The following MGRN1 variants were observed in gnomAD, a reference collection of about 807,000 sequenced individuals.
The protein encoded by MGRN1 is E3 ubiquitin-protein ligase MGRN1.
Under a neutral mutation model 69.2 loss-of-function variants are expected in MGRN1, and 29 were observed. The ratio of observed to expected loss-of-function variants is 0.42; its 90% CI spans 0.31 to 0.57. MGRN1 has a LOEUF of 0.57. Ranked by LOEUF, MGRN1 falls within the 20% of genes least tolerant of loss-of-function variation. The probability of loss-of-function intolerance (pLI) is 0.15; values close to 1 mark genes in which losing one functional copy is unlikely to be tolerated. For synonymous variants in MGRN1, 470 were observed against 344.2 expected, an observed-to-expected ratio of 1.37 and a Z score of -4.04; for missense variants, 998 against 796.2, an observed-to-expected ratio of 1.25 and a Z score of -3.05.
In MGRN1 at chr16:4,680,164, G is replaced by A. The variant is rs2079147260; in HGVS notation, c.1131+67G>A. 3 of 1,494,938 alleles carry A rather than the reference G, an allele frequency of 2.0e-6. No homozygotes were observed. Among genetic ancestry groups the A allele is most frequent in the East Asian group, 2.3e-5 (1 of 43,132 alleles). 92.6% of individuals were successfully genotyped at this position (1,494,938 alleles called of 1,614,324 possible). On this transcript the variant is annotated intron_variant, in intron 12 of 16. Transcript: ENST00000262370. The stretch of plus-strand genomic sequence containing the variant: ...CTCATTTTTAAACCCACGACAAGTA[G>A]GGGAGATCGTTTCCGCCCCAGGCTA...
intron 1 of MGRN1, among the ~76,000 whole-genome samples, 196 bp downstream of exon 1, chr16:4,625,244 G>C (rs1246423127): frequency 1.3e-5 from 2 of 152,176 alleles, no homozygotes; most frequent in African/African-American, 4.8e-5. Context: ...TGCCCGAGCC[G>C]TACCTGGCGC....
At chr16:4,685,216 CG>C (rs141132416) in intron 16 of MGRN1, among the ~76,000 whole-genome samples, 2,495 of 152,294 alleles carry the variant, frequency 0.016, 38 homozygotes, top group Middle Eastern at 0.071. Flanking sequence ...GGGGGGTGAT[CG>C]GGGAAGAGGC....
chr16:4,650,380 C>T lies in MGRN1; in HGVS notation c.104C>T (p.Ser35Leu), dbSNP rs751035093. Residue 35 changes from serine to leucine, a missense_variant, in exon 2 of 17, where the codon TCG becomes TTG. Physicochemically the swap from Ser to Leu is moderately radical, Grantham distance 145. Coordinates refer to ENST00000262370, the MANE Select transcript of MGRN1 (RefSeq NM_015246.4). ...YPPKSGNYFASHFFMGGEKFD... is the reference protein window; with the variant it reads ...YPPKSGNYFALHFFMGGEKFD... ...TTTTAAACAGGAAACTACTTTGCTTCGCACTTTTTCATGGGAGGAGAGAAA... is the reference window on the plus strand; with the variant it reads ...TTTTAAACAGGAAACTACTTTGCTTTGCACTTTTTCATGGGAGGAGAGAAA... 16 of 1,611,588 alleles carry T rather than the reference C, an allele frequency of 9.9e-6. No individual in the cohort carries two copies. Among genetic ancestry groups the T allele is most frequent in the African/African-American group, 4.0e-5 (3 of 74,728 alleles).
intron 7 of MGRN1, among the ~76,000 whole-genome samples, chr16:4,667,102 C>T (rs888028480): frequency 2.6e-5 from 4 of 152,188 alleles, no homozygotes; most frequent in Non-Finnish European, 4.4e-5. Context: ...GGAAAGGATC[C>T]CGTGTGACAA....
At chr16:4,655,027 A>T (rs1026295951) in intron 4 of MGRN1, among the ~76,000 whole-genome samples, 4 of 152,326 alleles carry the variant, frequency 2.6e-5, no homozygotes, top group African/African-American at 9.6e-5. Flanking sequence ...TCTTGGGCGT[A>T]GGAGCATTTG....
chr16:4,644,435 C>G (rs770580012), intron 1 of MGRN1, among the ~76,000 whole-genome samples: 2 of 151,798 alleles, frequency 1.3e-5, no homozygotes, highest in Non-Finnish European at 2.9e-5. Flanking sequence ...CTCAGCCTCC[C>G]AAGTAGCTGG....
chr16:4,644,611 C>G (rs570706280), intron 1 of MGRN1, among the ~76,000 whole-genome samples: 126 of 152,212 alleles, frequency 8.3e-4, no homozygotes, highest in African/African-American at 2.8e-3. Context: ...CACCTGGGTT[C>G]TGTTTTTTAA....
At chr16:4,637,297 T>G (rs1596261706) in intron 1 of MGRN1, among the ~76,000 whole-genome samples, 1 of 148,122 alleles carries the variant, frequency 6.8e-6, no homozygotes, top group East Asian at 2.0e-4. Flanking sequence ...GGGCATGGTG[T>G]TGGGTGCCTG....
intron 4 of MGRN1, among the ~76,000 whole-genome samples, chr16:4,655,381 C>G (rs113864309): frequency 0.029 from 4,492 of 152,296 alleles, 222 homozygotes; most frequent in African/African-American, 0.1. Context: ...TAGACCCCTG[C>G]GGGCTAGTGA....
intron 5 of MGRN1, among the ~76,000 whole-genome samples, chr16:4,662,760 C>T (rs2078711330): frequency 6.6e-6 from 1 of 152,216 alleles, no homozygotes; most frequent in Non-Finnish European, 1.5e-5. Context: ...GCTTCCGCTG[C>T]CCACTTCACG....
chr16:4,630,048 C>CAAAA (rs1166734489), intron 1 of MGRN1, among the ~76,000 whole-genome samples: 9 of 43,882 alleles, frequency 2.1e-4, no homozygotes, highest in African/African-American at 2.9e-4. Context: ...GACACCATCT[C>CAAAA]AAAAAAAAAA....
At position 4,636,403 on chromosome 16, in the gene MGRN1, G is replaced by A. The variant is rs556862294; in HGVS notation, c.88+11355G>A. On this transcript the variant is annotated intron_variant, in intron 1 of 16. Coordinates refer to ENST00000262370, the MANE Select transcript of MGRN1 (RefSeq NM_015246.4). Reference sequence around the variant, plus strand: ...GTTTGTGAGCAGTGAGTGATCTGGCGTCTGCTGTGGGACCTTCCAGCGTCC... The same window carrying A: ...GTTTGTGAGCAGTGAGTGATCTGGCATCTGCTGTGGGACCTTCCAGCGTCC... Among the ~76,000 whole-genome samples, 24 of 152,246 alleles carry A rather than the reference G, an allele frequency of 1.6e-4. No individual in the cohort carries two copies. The East Asian group carries it at 2.3e-3, about 15-fold the overall frequency.
In MGRN1 at chr16:4,624,974, T is replaced by G. The variant is rs1195566453; in HGVS notation, c.14T>G (p.Leu5Arg). Residue 5 changes from leucine (L) to arginine (R), a missense_variant, in exon 1 of 17, where the codon CTC (leucine) becomes CGC (arginine). Leu to Arg is a moderately radical substitution (Grantham distance 102). Coordinates refer to ENST00000262370, the MANE Select transcript of MGRN1 (RefSeq NM_015246.4). ...GCGCCGCGCACCATGGGCTCCATTC[T>G]CAGCCGCCGCATCGCGGGGGTGGAG... is the stretch of plus-strand genomic sequence containing the variant. Reference protein sequence around the residue: MGSILSRRIAGVEDI... With the variant: MGSIRSRRIAGVEDI... 6.4e-7 allele frequency: 1 copy of G among 1,553,988 alleles called. No individual in the cohort carries two copies. The highest frequency in any genetic ancestry group is 8.7e-7 in the Non-Finnish European group (1 of 1,152,954).
chr16:4,682,845 C>T lies in MGRN1; in HGVS notation c.1381C>T (p.Pro461Ser). The T allele has an allele frequency of 6.2e-7, 1 of 1,601,188 alleles. No individual in the cohort carries two copies. The highest frequency in any genetic ancestry group is 8.5e-7 in the Non-Finnish European group (1 of 1,170,752). ...PDSTLRSPSS[P>S]IHEEDEEKLS... is the part of the protein sequence containing the mutation. Reference sequence around the variant, plus strand: ...CAGCACCCTACGGTCCCCGTCTTCCCCCATCCACGAAGAGGATGAGGAGAA... The same window carrying T: ...CAGCACCCTACGGTCCCCGTCTTCCTCCATCCACGAAGAGGATGAGGAGAA... The change falls in exon 14 of 17, where the codon CCC becomes TCC. Residue 461 changes from proline to serine, a missense_variant. Physicochemically the swap from Pro to Ser is moderately conservative, Grantham distance 74. Coordinates refer to ENST00000262370, the MANE Select transcript of MGRN1 (RefSeq NM_015246.4).
chr16:4,684,454 C>T (rs532876961), intron 16 of MGRN1, among the ~76,000 whole-genome samples: 35 of 152,342 alleles, frequency 2.3e-4, no homozygotes, highest in Non-Finnish European at 3.7e-4. Flanking sequence ...GGCCACAGAG[C>T]GCAGGGGCAG....
rs1014309982 is a variant in MGRN1, at chr16:4,689,876, C to G, written c.*968C>G. 4 of 152,002 alleles carry G rather than the reference C, an allele frequency of 2.6e-5. No homozygotes were observed. The highest frequency in any genetic ancestry group is 1.9e-4 in the East Asian group (1 of 5,168). The allele number at this position is 152,002 out of a possible 1,614,324, so 9.4% of individuals were successfully genotyped here. A position where few individuals can be genotyped will look rare whatever the true frequency, so the allele number is the denominator to read the frequency against. Reference sequence around the variant, plus strand: ...CGCCTCCCGGGTTCAAGTGATCGTCCTGCCTTAGGCTCCTGAGTAGCTGGG... The same window carrying G: ...CGCCTCCCGGGTTCAAGTGATCGTCGTGCCTTAGGCTCCTGAGTAGCTGGG... On this transcript the variant is annotated 3_prime_UTR_variant, in exon 17 of 17. Coordinates refer to ENST00000262370, the MANE Select transcript of MGRN1 (RefSeq NM_015246.4).
intron 15 of MGRN1, 26 bp downstream of exon 15, chr16:4,683,295 A>G (rs1363826297): frequency 1.2e-6 from 2 of 1,612,890 alleles, no homozygotes; most frequent in Non-Finnish European, 1.7e-6. Flanking sequence ...CATGGGCACA[A>G]ACCGCATGCA....
intron 1 of MGRN1, among the ~76,000 whole-genome samples, chr16:4,641,476 G>GTGGT (rs2078155507): frequency 6.6e-6 from 1 of 151,680 alleles, no homozygotes; most frequent in African/African-American, 2.4e-5. Context: ...AGCCTCTTGA[G>GTGGT]TGGCTGGTAC....
chr16:4,655,468 C>T (rs1226499775), intron 4 of MGRN1, among the ~76,000 whole-genome samples: 1 of 150,910 alleles, frequency 6.6e-6, no homozygotes, highest in African/African-American at 2.4e-5. Context: ...AATCACAGAG[C>T]AGGAACAGCT....
Sources: gnomAD v4.1 joint callset for allele counts (sites outside exome capture counted in the v4.1 genomes callset) on GRCh38, gnomAD v4.1.1 for gene constraint, MANE v1.5 for transcripts, NCBI Gene and HGNC (gene_info 2026-07-23, HGNC 2026-07-21) for gene names.